Variants in FOXP1 observed in about 807,000 individuals in gnomAD.
FOXP1 encodes the protein forkhead box protein P1.
In FOXP1, 15 loss-of-function variants were observed where a neutral mutation model predicts 98.2. That is an observed-to-expected ratio of 0.15 (90% CI 0.10 to 0.24). The LOEUF (loss-of-function observed/expected upper bound fraction) is 0.24. FOXP1 is among the 10% of genes least tolerant of loss of function. The pLI, the probability that FOXP1 is intolerant of heterozygous loss-of-function variation, is 1.00. For synonymous variants in FOXP1, 371 were observed against 314.5 expected, an observed-to-expected ratio of 1.18 and a Z score of -1.90; for missense variants, 633 against 848.5, an observed-to-expected ratio of 0.75 and a Z score of 3.15.
At chr3:71,552,350 C>T (rs966942906) in intron 2 of FOXP1, among the ~76,000 whole-genome samples, 21 of 151,670 alleles carry the variant, frequency 1.4e-4, no homozygotes, top group African/African-American at 5.1e-4. Context: ...TTAAAAATAA[C>T]CAGTAAGAAA....
intron 3 of FOXP1, among the ~76,000 whole-genome samples, chr3:71,419,696 T>C (rs886707388): frequency 6.6e-6 from 1 of 152,154 alleles, no homozygotes; most frequent in African/African-American, 2.4e-5. Context: ...GTGCTGCAAG[T>C]ACCCCGGGTG....
At chr3:71,486,067 G>A (rs2090622822) in intron 3 of FOXP1, among the ~76,000 whole-genome samples, 1 of 151,994 alleles carries the variant, frequency 6.6e-6, no homozygotes, top group South Asian at 2.1e-4. Context: ...TCAAAGATGA[G>A]GAAGTAGCAT....
At chr3:71,244,516 ATAG>A (rs2067559614) in intron 5 of FOXP1, among the ~76,000 whole-genome samples, 6 of 151,036 alleles carry the variant, frequency 4.0e-5, no homozygotes, top group Non-Finnish European at 8.9e-5. Context: ...AAAAAAAAAA[ATAG>A]AAGAAGAAAA....
At chr3:71,303,284 C>T (rs1026287396) in intron 4 of FOXP1, among the ~76,000 whole-genome samples, 1 of 152,178 alleles carries the variant, frequency 6.6e-6, no homozygotes, top group Non-Finnish European at 1.5e-5. Flanking sequence ...CTACCCAATA[C>T]TGGCTGAGAA....
intron 4 of FOXP1, among the ~76,000 whole-genome samples, chr3:71,309,333 C>T (rs1385513380): frequency 6.6e-6 from 1 of 151,648 alleles, no homozygotes; most frequent in Non-Finnish European, 1.5e-5. Flanking sequence ...TACTAACATA[C>T]TTAACATTTA....
chr3:71,266,766 T>C (rs1250428782), intron 5 of FOXP1, among the ~76,000 whole-genome samples: 1 of 152,170 alleles, frequency 6.6e-6, no homozygotes, highest in East Asian at 1.9e-4. Context: ...TACTTCCATC[T>C]TTATGTTCGT....
At chr3:71,239,971 G>A (rs2067110975) in intron 5 of FOXP1, among the ~76,000 whole-genome samples, 2 of 152,238 alleles carry the variant, frequency 1.3e-5, no homozygotes, top group Admixed American at 6.5e-5. Flanking sequence ...AGAACTGCTG[G>A]GGGCAGGGTT....
chr3:71,039,756 G>GAAAAA (rs567940533), intron 11 of FOXP1, among the ~76,000 whole-genome samples: 1 of 108,282 alleles, frequency 9.2e-6, no homozygotes. Context: ...TTTCTTTCTT[G>GAAAAA]AAAAAAAAAA....
intron 5 of FOXP1, among the ~76,000 whole-genome samples, chr3:71,211,193 C>T (rs1576399159): frequency 6.6e-6 from 1 of 152,068 alleles, no homozygotes; most frequent in Non-Finnish European, 1.5e-5. Context: ...CCCTAACCCA[C>T]ATTTAGTTCT....
rs2063409936 is a variant in FOXP1, at chr3:71,198,147, A to T, written c.180+55T>A. On this transcript the variant is annotated intron_variant, in intron 6 of 20. Coordinates refer to ENST00000649528, the MANE Select transcript of FOXP1 (RefSeq NM_001349338.3). ...GAGATCGCGATTAAGTGTAAAATTC[A>T]GCAGTAAAATTCGCACCCACCACCT... The T allele has an allele frequency of 2.0e-5, 32 of 1,613,290 alleles. No individual in the cohort carries two copies. The South Asian group carries it at 3.2e-4, about 16-fold the overall frequency.
chr3:71,067,764 A>ACACACACACACACAC (rs71104409), intron 7 of FOXP1, among the ~76,000 whole-genome samples: 41 of 141,002 alleles, frequency 2.9e-4, no homozygotes, highest in Middle Eastern at 3.5e-3. Context: ...ACACACACAC[A>ACACACACACACACAC]ATTAGCCACG....
intron 14 of FOXP1, among the ~76,000 whole-genome samples, chr3:70,981,609 G>GTAA (rs2038882030): frequency 6.6e-6 from 1 of 152,232 alleles, no homozygotes; most frequent in African/African-American, 2.4e-5. Context: ...AGGGGAGGCA[G>GTAA]TAATATTTGT....
intron 7 of FOXP1, among the ~76,000 whole-genome samples, chr3:71,097,390 C>T (rs2056566018): frequency 6.6e-6 from 1 of 152,070 alleles, no homozygotes; most frequent in Non-Finnish European, 1.5e-5. Flanking sequence ...TAAGTAGTTG[C>T]CACAGAGACA....
intron 3 of FOXP1, among the ~76,000 whole-genome samples, chr3:71,397,090 A>ATG (rs2081571501): frequency 2.1e-5 from 2 of 96,588 alleles, no homozygotes; most frequent in South Asian, 3.5e-4. Context: ...ATATGTGTAT[A>ATG]TATATATATA....
chr3:70,968,946 C>A (rs2035574090), intron 19 of FOXP1: 2 of 152,186 alleles, frequency 1.3e-5, no homozygotes, highest in African/African-American at 4.8e-5. Flanking sequence ...ATTTATTCCC[C>A]TTGCCTCATT....
At chr3:71,072,514 A>G (rs535388239) in intron 7 of FOXP1, among the ~76,000 whole-genome samples, 6 of 152,266 alleles carry the variant, frequency 3.9e-5, no homozygotes, top group Non-Finnish European at 5.9e-5. Flanking sequence ...CATAAGCCCT[A>G]TGAAACATCA....
At position 70,955,877 on chromosome 3, in the gene FOXP1, AAT is replaced by A; in HGVS notation, c.*3368_*3369del. 1 of 233,202 alleles carries A rather than the reference AAT, an allele frequency of 4.3e-6. No individual in the cohort carries two copies. Among genetic ancestry groups the A allele is most frequent in the Non-Finnish European group, 8.5e-6 (1 of 118,010 alleles). The allele number at this position is 233,202 out of a possible 1,614,324, so 14.4% of individuals were successfully genotyped here. A position where few individuals can be genotyped will look rare whatever the true frequency, so the allele number is the denominator to read the frequency against. ...ACACAAAACCTGTACAAAATGCTCC[AAT>A]CAATGAGAACAGAAAAAAGAAATCT... On this transcript the variant is annotated 3_prime_UTR_variant, in exon 21 of 21. Transcript: ENST00000649528.
In FOXP1 at chr3:70,959,273, C is replaced by G. The variant is rs2106855288; in HGVS notation, c.2008G>C (p.Glu670Gln). The stretch of plus-strand genomic sequence containing the variant: ...CACTCCATGTCCTCGTTTACTGGTT[C>G]ATCTTCGTAATCTCTGTCATGGTCA... Reference protein sequence around the residue: ...DFDHDRDYEDEPVNEDME With the variant: ...DFDHDRDYEDQPVNEDME The change falls in exon 21 of 21, where the codon GAA becomes CAA. Residue 670 changes from glutamate to glutamine, a missense_variant. Physicochemically the swap from Glu to Gln is conservative, Grantham distance 29. This residue lies in a region of FOXP1 where 150 missense variants were observed against 163.7 expected (regional missense o/e 0.92). Transcript: ENST00000649528. The G allele has an allele frequency of 6.2e-7, 1 of 1,613,330 alleles. No individual in the cohort carries two copies. The highest frequency in any genetic ancestry group is 2.2e-5 in the East Asian group (1 of 44,828).
Position 70,957,354 on chromosome 3 carries a change from T to C in FOXP1, c.*1893A>G. 4.4e-6 allele frequency: 1 copy of C among 229,042 alleles called. No individual in the cohort carries two copies. The highest frequency in any genetic ancestry group is 8.7e-6 in the Non-Finnish European group (1 of 115,310). 14.2% of individuals were successfully genotyped at this position (229,042 alleles called of 1,614,324 possible). On this transcript the variant is annotated 3_prime_UTR_variant, in exon 21 of 21. Coordinates refer to ENST00000649528, the MANE Select transcript of FOXP1 (RefSeq NM_001349338.3). ...CATTATCTACTTGGTCTTCTAAATT[T>C]ACGATGAAGGAGCAGTTCTCTTTCT...
Sources: allele counts gnomAD v4.1 joint callset (sites outside exome capture counted in the v4.1 genomes callset), GRCh38; gene constraint gnomAD v4.1.1; regional missense constraint gnomAD v4.1.1; transcripts MANE v1.5; gene names NCBI Gene and HGNC (gene_info 2026-07-23, HGNC 2026-07-21).